Variants in PLD5 observed in about 807,000 individuals in gnomAD.
PLD5 encodes the protein phospholipase D family member 5.
A neutral mutation model predicts 61.1 loss-of-function variants in PLD5; 36 were observed. The observed-to-expected ratio is 0.59, with a 90% CI of 0.45 to 0.78. The LOEUF (loss-of-function observed/expected upper bound fraction) is 0.78, where lower values mean the gene tolerates loss of function less well. Among genes scored for constraint, PLD5 ranks in the 30% least tolerant of loss-of-function variants. PLD5 has a pLI of 0.00. For missense variants in PLD5, 515 were observed against 644.4 expected, an observed-to-expected ratio of 0.80 and a Z score of 2.17; for synonymous variants, 243 against 242.8, an observed-to-expected ratio of 1.00 and a Z score of -0.01.
At chr1:242,159,730 T>G (rs1336544418) in intron 5 of PLD5, among the ~76,000 whole-genome samples, 2 of 152,168 alleles carry the variant, frequency 1.3e-5, no homozygotes, top group African/African-American at 2.4e-5. Context: ...ACTTTGTTCT[T>G]TCTCTAGTAG....
chr1:242,525,561 T>A (rs1009228738), upstream of PLD5, among the ~76,000 whole-genome samples: 4 of 152,230 alleles, frequency 2.6e-5, no homozygotes, highest in Admixed American at 6.5e-5. Flanking sequence ...ATCTTTGGAG[T>A]CAACCTCTCG....
chr1:242,151,529 C>T (rs1574401345), intron 5 of PLD5, among the ~76,000 whole-genome samples: 1 of 152,114 alleles, frequency 6.6e-6, no homozygotes, highest in East Asian at 1.9e-4. Flanking sequence ...GCTCCTCTAA[C>T]TCTTGTCAAT....
At chr1:242,360,275 T>C (rs567719130) in intron 1 of PLD5, among the ~76,000 whole-genome samples, 12 of 152,276 alleles carry the variant, frequency 7.9e-5, no homozygotes, top group Admixed American at 2.0e-4. Flanking sequence ...TTACCTGCCT[T>C]TAGTAGTTCA....
chr1:242,341,126 C>T (rs1401697488), intron 2 of PLD5, among the ~76,000 whole-genome samples: 4 of 151,904 alleles, frequency 2.6e-5, no homozygotes, highest in Admixed American at 2.6e-4. Flanking sequence ...AGCAAGGCTG[C>T]TCTTAGAGAT....
At chr1:242,513,765 T>C (rs1411879592) in intron 1 of PLD5, among the ~76,000 whole-genome samples, 2 of 152,208 alleles carry the variant, frequency 1.3e-5, no homozygotes, top group Non-Finnish European at 2.9e-5. Context: ...AACTCTCAAG[T>C]AGTCTTTGGA....
At chr1:242,179,766 G>A (rs1333920256) in intron 5 of PLD5, among the ~76,000 whole-genome samples, 4 of 152,190 alleles carry the variant, frequency 2.6e-5, no homozygotes, top group East Asian at 3.9e-4. Flanking sequence ...AGCCGGGCAT[G>A]GTGGTGCATG....
chr1:242,374,418 A>G (rs1195566187), intron 1 of PLD5, among the ~76,000 whole-genome samples: 1 of 152,150 alleles, frequency 6.6e-6, no homozygotes, highest in East Asian at 1.9e-4. Flanking sequence ...AGAAAACAAT[A>G]TCTCTAAATG....
intron 2 of PLD5, among the ~76,000 whole-genome samples, chr1:242,342,644 C>G (rs1659901108): frequency 6.6e-6 from 1 of 152,102 alleles, no homozygotes; most frequent in South Asian, 2.1e-4. Flanking sequence ...CTTTCACCCC[C>G]TCAGGTAACC....
chr1:242,391,544 G>T (rs11811774), intron 1 of PLD5, among the ~76,000 whole-genome samples: 41,927 of 143,094 alleles, frequency 0.29, 6,143 homozygotes, highest in Middle Eastern at 0.41. Context: ...TTGTAGAAAG[G>T]TTCGCATTCT....
intron 1 of PLD5, among the ~76,000 whole-genome samples, chr1:242,356,518 C>G (rs1260176582): frequency 6.6e-6 from 1 of 152,072 alleles, no homozygotes; most frequent in African/African-American, 2.4e-5. Context: ...TCATTCATCA[C>G]TCTATGTCTT....
intron 6 of PLD5, among the ~76,000 whole-genome samples, chr1:242,117,359 C>A (rs1257044252): frequency 6.7e-6 from 1 of 150,178 alleles, no homozygotes; most frequent in African/African-American, 2.5e-5. Flanking sequence ...TCTCTGAATT[C>A]CAGCTCAAAT....
chr1:242,517,744 G>A (rs554302127), intron 1 of PLD5, among the ~76,000 whole-genome samples: 3 of 152,150 alleles, frequency 2.0e-5, no homozygotes, highest in East Asian at 3.9e-4. Context: ...ACCCTGCACT[G>A]GTCTTTGTAT....
intron 1 of PLD5, among the ~76,000 whole-genome samples, chr1:242,506,132 TG>T (rs1668710775): frequency 6.6e-6 from 1 of 152,122 alleles, no homozygotes; most frequent in African/African-American, 2.4e-5. Flanking sequence ...ATTTTAACAC[TG>T]GGGGAACCTC....
chr1:242,501,632 T>C (rs1458067174), intron 1 of PLD5, among the ~76,000 whole-genome samples: 3 of 152,128 alleles, frequency 2.0e-5, no homozygotes. Flanking sequence ...TTGGAATTCA[T>C]AGACATAAAA....
intron 5 of PLD5, among the ~76,000 whole-genome samples, chr1:242,151,457 C>T (rs921523944): frequency 4.0e-5 from 6 of 151,818 alleles, no homozygotes; most frequent in Non-Finnish European, 8.8e-5. Flanking sequence ...GGAGTTTTTT[C>T]CCCCAGCACT....
At chr1:242,470,266 C>T (rs1229049510) in intron 1 of PLD5, among the ~76,000 whole-genome samples, 1 of 151,738 alleles carries the variant, frequency 6.6e-6, no homozygotes, top group African/African-American at 2.4e-5. Context: ...GGCGTGAACC[C>T]CGGAGGCGGA....
At chr1:242,226,149 T>G (rs1670926510) in intron 4 of PLD5, among the ~76,000 whole-genome samples, 1 of 152,240 alleles carries the variant, frequency 6.6e-6, no homozygotes, top group African/African-American at 2.4e-5. Flanking sequence ...AAGACAGCTT[T>G]GAAAGTATAT....
At chr1:242,393,802 G>C (rs1270886404) in intron 1 of PLD5, among the ~76,000 whole-genome samples, 1 of 148,758 alleles carries the variant, frequency 6.7e-6, no homozygotes, top group Non-Finnish European at 1.5e-5. Flanking sequence ...GCTCACGCCT[G>C]TATTCTCAGC....
At chr1:242,112,336 T>G (rs954565044) in intron 7 of PLD5, among the ~76,000 whole-genome samples, 5 of 40,578 alleles carry the variant, frequency 1.2e-4, no homozygotes, top group Non-Finnish European at 2.3e-4. Context: ...TGTATGTATA[T>G]GTGTATATAT....
Sources: allele counts gnomAD v4.1 joint callset (sites outside exome capture counted in the v4.1 genomes callset), GRCh38; gene constraint gnomAD v4.1.1; transcripts MANE v1.5; gene names NCBI Gene and HGNC (gene_info 2026-07-23, HGNC 2026-07-21).